The following AP2A2 variants were observed in gnomAD, a reference collection of about 807,000 sequenced individuals.
AP2A2 encodes the protein adaptor related protein complex 2 subunit alpha 2.
Under a neutral mutation model 104.2 loss-of-function variants are expected in AP2A2, and 32 were observed. That is an observed-to-expected ratio of 0.31 (90% CI 0.23 to 0.41). The LOEUF is 0.41. Ranked by LOEUF, AP2A2 falls within the 10% of genes least tolerant of loss-of-function variation. AP2A2 has a pLI of 1.00. For synonymous variants in AP2A2, 539 were observed against 533.3 expected (o/e 1.01, Z -0.15); for missense variants, 912 against 1,261.0 (o/e 0.72, Z 4.19).
chr11:958,790 A>G (rs1337862867), intron 1 of AP2A2, among the ~76,000 whole-genome samples: 5 of 152,112 alleles, frequency 3.3e-5, no homozygotes, highest in East Asian at 3.9e-4. Context: ...TTCAGATACT[A>G]TGACATTGGG....
At chr11:964,055 G>A (rs1854532580) in intron 2 of AP2A2, among the ~76,000 whole-genome samples, 1 of 152,198 alleles carries the variant, frequency 6.6e-6, no homozygotes, top group African/African-American at 2.4e-5. Context: ...GCCTTGTCTA[G>A]AGGGATGATA....
intron 18 of AP2A2, chr11:1,008,430 C>T (rs1488569201): frequency 8.2e-6 from 3 of 367,224 alleles, no homozygotes; most frequent in Non-Finnish European, 1.5e-5. Context: ...CAGCCAGGGC[C>T]CCCGCGCCAC....
chr11:946,817 A>G (rs1254000877), intron 1 of AP2A2: 1 of 150,322 alleles, frequency 6.7e-6, no homozygotes, highest in Non-Finnish European at 1.5e-5. Context: ...TAAACAGAGG[A>G]CATTTGTTGT....
chr11:928,672 C>G (rs767311325), intron 1 of AP2A2, among the ~76,000 whole-genome samples: 7 of 152,244 alleles, frequency 4.6e-5, no homozygotes, highest in African/African-American at 9.6e-5. Flanking sequence ...TGTCCGCCGT[C>G]GAGAACCACT....
At chr11:962,512 C>T (rs894113979) in intron 2 of AP2A2, among the ~76,000 whole-genome samples, 1 of 152,114 alleles carries the variant, frequency 6.6e-6, no homozygotes, top group Non-Finnish European at 1.5e-5. Flanking sequence ...GCGGGCGGAT[C>T]GATTGAGGTC....
chr11:934,756 T>C (rs1439984634), intron 1 of AP2A2, among the ~76,000 whole-genome samples: 1 of 152,178 alleles, frequency 6.6e-6, no homozygotes, highest in African/African-American at 2.4e-5. Context: ...TTGAGCTCCT[T>C]AGGGCAGGCG....
chr11:948,677 G>A (rs140211481), intron 1 of AP2A2, among the ~76,000 whole-genome samples: 2,997 of 151,910 alleles, frequency 0.02, 49 homozygotes, highest in Non-Finnish European at 0.025. Context: ...GACCAGTCTG[G>A]CCAATTTGGT....
intron 1 of AP2A2, among the ~76,000 whole-genome samples, chr11:930,963 G>A (rs191857286): frequency 3.9e-5 from 6 of 152,268 alleles, no homozygotes; most frequent in Non-Finnish European, 8.8e-5. Flanking sequence ...ATGCAGTTTA[G>A]CACCTGTAGC....
chr11:993,269 G>A lies in AP2A2; in HGVS notation c.1453-15G>A. 1 of 1,599,736 alleles carries A rather than the reference G, an allele frequency of 6.3e-7. No individual in the cohort carries two copies. The highest frequency in any genetic ancestry group is 8.5e-7 in the Non-Finnish European group (1 of 1,174,844). ...CACCTGGCTGCCACCCCGGCTCATT[G>A]TTTGTGCTTCGCAGGCTCTTCAGGC... is the stretch of plus-strand genomic sequence containing the variant. On this transcript the variant is annotated splice_polypyrimidine_tract_variant and intron_variant, in intron 11 of 21. Coordinates refer to ENST00000448903, the MANE Select transcript of AP2A2 (RefSeq NM_012305.4). The surrounding 1 kb of genome is among the most constrained non-coding windows in gnomAD (Gnocchi z 8.2).
At chr11:972,558 G>T (rs1854870162) in intron 4 of AP2A2, among the ~76,000 whole-genome samples, 3 of 152,170 alleles carry the variant, frequency 2.0e-5, no homozygotes, top group Admixed American at 2.0e-4. Flanking sequence ...TTAGCCAGTT[G>T]TGGTGGCGTG....
Position 1,008,100 on chromosome 11 carries a change from C to G in AP2A2, c.2385C>G (p.Asp795Glu). 1.9e-6 allele frequency: 3 copies of G among 1,606,042 alleles called. No individual in the cohort carries two copies. Among genetic ancestry groups the G allele is most frequent in the Non-Finnish European group, 2.5e-6 (3 of 1,177,042 alleles). Residue 795 changes from aspartate (D) to glutamate (E), a missense_variant, in exon 18 of 22, where the codon GAC (aspartate) becomes GAG (glutamate). Physicochemically the swap from Asp to Glu is conservative, Grantham distance 45. This residue lies in a region of AP2A2 where 239 missense variants were observed against 329.8 expected (regional missense o/e 0.72). Transcript: ENST00000448903. ...TGGTCAACATAGAGTGCGTGTCCGA[C>G]TTCACGGAGGCGCCAGTCCTCAACA... ...QQVVNIECVS[D>E]FTEAPVLNIQ...
At chr11:956,867 C>A (rs1490427615) in intron 1 of AP2A2, 8 of 152,206 alleles carry the variant, frequency 5.3e-5, no homozygotes, top group African/African-American at 1.7e-4. Flanking sequence ...ACACAGAAGA[C>A]TTCTGTGACC....
chr11:992,777 C>T lies in AP2A2; in HGVS notation c.1452+92C>T, dbSNP rs549678526. 1.3e-4 allele frequency: 190 copies of T among 1,439,366 alleles called. No homozygotes were observed. Among genetic ancestry groups the T allele is most frequent in the Admixed American group, 4.0e-4 (22 of 54,362 alleles). 89.2% of individuals were successfully genotyped at this position (1,439,366 alleles called of 1,614,324 possible). Reference sequence around the variant, plus strand: ...TTCCAGCCTGCCTGCGTGGAGGTGCCGAGGGCCGTTGCTGACCCCTCTTGC... The same window carrying T: ...TTCCAGCCTGCCTGCGTGGAGGTGCTGAGGGCCGTTGCTGACCCCTCTTGC... On this transcript the variant is annotated intron_variant, in intron 11 of 21. Transcript: ENST00000448903. The surrounding 1 kb of genome is among the most constrained non-coding windows in gnomAD (Gnocchi z 6.4).
chr11:1,002,959 G>C (rs771316492), intron 15 of AP2A2, among the ~76,000 whole-genome samples: 14 of 152,232 alleles, frequency 9.2e-5, no homozygotes, highest in Non-Finnish European at 2.1e-4. Context: ...ATCCATCTCT[G>C]TGCTGGGTTC....
intron 1 of AP2A2, 113 bp downstream of exon 1, chr11:926,201 C>G: frequency 2.2e-6 from 1 of 462,090 alleles, no homozygotes; most frequent in Non-Finnish European, 2.7e-6. Context: ...GGGATGCGGG[C>G]GGGGCCCGGG....
intron 4 of AP2A2, among the ~76,000 whole-genome samples, chr11:976,734 G>A (rs1194505936): frequency 1.3e-5 from 2 of 152,170 alleles, no homozygotes; most frequent in African/African-American, 4.8e-5. Context: ...AAGCAGATGT[G>A]GAGCTCCATG....
chr11:1,006,660 G>T, intron 17 of AP2A2, 43 bp downstream of exon 17: 2 of 1,485,044 alleles, frequency 1.3e-6, no homozygotes, highest in Non-Finnish European at 1.9e-6. Flanking sequence ...ACAGCATAAT[G>T]TGGGGCTTAG....
intron 1 of AP2A2, among the ~76,000 whole-genome samples, chr11:950,753 G>A (rs1854024380): frequency 1.3e-5 from 2 of 152,094 alleles, no homozygotes; most frequent in South Asian, 4.1e-4. Context: ...TCGTTATTTA[G>A]AATATATAAA....
chr11:932,259 G>C (rs1050627197), intron 1 of AP2A2, among the ~76,000 whole-genome samples: 1 of 152,156 alleles, frequency 6.6e-6, no homozygotes, highest in Non-Finnish European at 1.5e-5. Flanking sequence ...GGCCATTTCT[G>C]TTAACTTTCT....
Sources: gnomAD v4.1 joint callset for allele counts (sites outside exome capture counted in the v4.1 genomes callset) on GRCh38, gnomAD v4.1.1 for gene constraint, gnomAD v4.1.1 regional missense constraint, Gnocchi (gnomAD v3.1) non-coding constraint, MANE v1.5 for transcripts, NCBI Gene and HGNC (gene_info 2026-07-23, HGNC 2026-07-21) for gene names.